The following PDE1C variants were observed in gnomAD, a reference collection of about 807,000 sequenced individuals.
PDE1C encodes the protein dual specificity calcium/calmodulin-dependent 3',5'-cyclic nucleotide phosphodiesterase 1C.
Under a neutral mutation model 93.1 loss-of-function variants are expected in PDE1C, and 62 were observed. That is an observed-to-expected ratio of 0.67 (90% CI 0.54 to 0.82). The LOEUF is 0.82. PDE1C is among the 40% of genes least tolerant of loss of function. The probability of loss-of-function intolerance (pLI) is 0.00; values close to 1 mark genes in which losing one functional copy is unlikely to be tolerated. For synonymous variants in PDE1C, 325 were observed against 310.1 expected (o/e 1.05, Z -0.50); for missense variants, 742 against 884.6 (o/e 0.84, Z 2.04).
chr7:32,311,822 G>A (rs2128904761), intron 1 of PDE1C, among the ~76,000 whole-genome samples: 1 of 152,288 alleles, frequency 6.6e-6, no homozygotes, highest in East Asian at 1.9e-4. Context: ...AAAACTGGAA[G>A]CATTCCCTTT....
chr7:32,287,899 A>G (rs1459683517), intron 1 of PDE1C, among the ~76,000 whole-genome samples: 4 of 152,238 alleles, frequency 2.6e-5, no homozygotes, highest in South Asian at 2.1e-4. Context: ...CAGATGCCCA[A>G]GCTTTCAAAA....
intron 1 of PDE1C, among the ~76,000 whole-genome samples, chr7:32,326,663 A>G (rs1783408863): frequency 6.6e-6 from 1 of 152,302 alleles, no homozygotes; most frequent in African/African-American, 2.4e-5. Flanking sequence ...AAAAGGCAAA[A>G]CCTGGATTAG....
the PDE1C span, among the ~76,000 whole-genome samples, chr7:31,717,434 G>A: frequency 1.3e-5 from 2 of 152,154 alleles, no homozygotes; most frequent in Admixed American, 6.6e-5. Context: ...AGCCTTGGGA[G>A]CCAAGCCAGA....
chr7:31,733,173 G>A, the PDE1C span, among the ~76,000 whole-genome samples: 1 of 152,194 alleles, frequency 6.6e-6, no homozygotes, highest in Non-Finnish European at 1.5e-5. Flanking sequence ...GATAGAGACT[G>A]AGCACCTCCT....
chr7:32,286,606 A>G (rs1812018127), intron 1 of PDE1C, among the ~76,000 whole-genome samples: 1 of 152,232 alleles, frequency 6.6e-6, no homozygotes, highest in Non-Finnish European at 1.5e-5. Context: ...TGGGGCATTC[A>G]GGATTAGGGA....
the PDE1C span, among the ~76,000 whole-genome samples, chr7:31,724,401 T>A: frequency 2.0e-5 from 3 of 152,352 alleles, no homozygotes; most frequent in East Asian, 3.9e-4. Context: ...CAAGCACTTC[T>A]ACTTACAAGA....
chr7:31,728,568 GT>G, the PDE1C span, among the ~76,000 whole-genome samples: 1 of 152,182 alleles, frequency 6.6e-6, no homozygotes, highest in Non-Finnish European at 1.5e-5. Context: ...TCATTCATGT[GT>G]TTATTCCCTC....
At chr7:32,056,884 A>G (rs909338845) in intron 1 of PDE1C, among the ~76,000 whole-genome samples, 2 of 152,192 alleles carry the variant, frequency 1.3e-5, no homozygotes, top group African/African-American at 4.8e-5. Context: ...CAAAGAAAGC[A>G]GGTGCTAATC....
At chr7:32,299,026 G>A (rs1458559542) in exon 1 of PDE1C, 1 of 1,203,938 alleles carries the variant, frequency 8.3e-7, no homozygotes, top group Non-Finnish European at 1.0e-6. Flanking sequence ...GGGAGGACGC[G>A]CGCCCGAGCG....
intron 1 of PDE1C, among the ~76,000 whole-genome samples, chr7:32,364,455 C>T (rs1238588227): frequency 3.3e-5 from 5 of 152,166 alleles, no homozygotes; most frequent in Non-Finnish European, 5.9e-5. Flanking sequence ...TTCCTCCACA[C>T]GGATAAGATC....
At chr7:32,320,145 T>C (rs1783258831) in intron 1 of PDE1C, among the ~76,000 whole-genome samples, 4 of 152,346 alleles carry the variant, frequency 2.6e-5, no homozygotes, top group Admixed American at 2.6e-4. Context: ...TCCTTATTTG[T>C]AATAACATTT....
At chr7:32,402,650 C>G (rs1212003020) in intron 1 of PDE1C, among the ~76,000 whole-genome samples, 2 of 152,152 alleles carry the variant, frequency 1.3e-5, no homozygotes, top group African/African-American at 4.8e-5. Flanking sequence ...TAATGTTTTA[C>G]CAGCCATTTG....
chr7:31,972,947 C>T (rs1424180689), intron 2 of PDE1C, among the ~76,000 whole-genome samples: 1 of 152,100 alleles, frequency 6.6e-6, no homozygotes, highest in Admixed American at 6.5e-5. Flanking sequence ...TCACAGGTAG[C>T]ACAAGCAGGA....
At chr7:31,899,876 T>C (rs892872235) in intron 2 of PDE1C, among the ~76,000 whole-genome samples, 3 of 152,112 alleles carry the variant, frequency 2.0e-5, no homozygotes, top group African/African-American at 7.2e-5. Context: ...CCACCGGAAA[T>C]TAGCAATGTC....
chr7:31,821,376 A>G (rs1788940272), intron 14 of PDE1C, among the ~76,000 whole-genome samples: 2 of 152,188 alleles, frequency 1.3e-5, no homozygotes, highest in Admixed American at 1.3e-4. Context: ...CCAGGTGATT[A>G]GTTTCTGAAG....
At position 31,775,732 on chromosome 7, in the gene PDE1C, C is replaced by G. The variant is rs772353010; in HGVS notation, c.1892G>C (p.Gly631Ala). The change falls in exon 17 of 18, where the codon GGC (glycine) becomes GCC (alanine). Residue 631 changes from glycine (G) to alanine (A), a missense_variant and splice_region_variant. Transcript: ENST00000396191. ...TGAGCCGTGAGAACGCTGTTTTGTG[C>G]CTGTGAAGAGGAAAAAGAGGATAAG... ...NIGNDSKKTD[G>A]TKQRSHGSPA... 6.2e-7 allele frequency: 1 copy of G among 1,612,212 alleles called. No homozygotes were observed. The highest frequency in any genetic ancestry group is 1.7e-5 in the Admixed American group (1 of 59,976).
At chr7:32,104,831 A>AT (rs1321020331) in intron 3 of PDE1C, among the ~76,000 whole-genome samples, 3 of 152,336 alleles carry the variant, frequency 2.0e-5, no homozygotes, top group African/African-American at 7.2e-5. Context: ...TCACCATGCA[A>AT]TTTATACTGG....
chr7:32,401,677 C>T (rs752627480), intron 1 of PDE1C, among the ~76,000 whole-genome samples: 3 of 152,124 alleles, frequency 2.0e-5, no homozygotes, highest in Non-Finnish European at 2.9e-5. Context: ...TGTCCCTCAC[C>T]GAGGAGATTC....
At chr7:32,078,080 A>T (rs1000554475) in intron 3 of PDE1C, 3 of 956,110 alleles carry the variant, frequency 3.1e-6, no homozygotes, top group Admixed American at 6.2e-5. Flanking sequence ...GTTCACGTAA[A>T]ACTGCTGATG....
Sources: allele counts gnomAD v4.1 joint callset (sites outside exome capture counted in the v4.1 genomes callset), GRCh38; gene constraint gnomAD v4.1.1; transcripts MANE v1.5; gene names NCBI Gene and HGNC (gene_info 2026-07-23, HGNC 2026-07-21).